The following ADGRL2 variants were observed in gnomAD, a reference collection of about 807,000 sequenced individuals.
ADGRL2 encodes the protein adhesion G protein-coupled receptor L2.
A neutral mutation model predicts 157.4 loss-of-function variants in ADGRL2; 44 were observed. The ratio of observed to expected loss-of-function variants is 0.28; its 90% CI spans 0.22 to 0.36. The LOEUF (loss-of-function observed/expected upper bound fraction) is 0.36. Ranked by LOEUF, ADGRL2 falls within the 10% of genes least tolerant of loss-of-function variation. ADGRL2 has a pLI of 1.00. For missense variants in ADGRL2, 1,510 were observed against 1,768.9 expected (o/e 0.85, Z 2.63); for synonymous variants, 585 against 624.7 (o/e 0.94, Z 0.95).
chr1:81,572,515 T>G (rs546186859), intron 2 of ADGRL2, among the ~76,000 whole-genome samples: 1 of 152,292 alleles, frequency 6.6e-6, no homozygotes, highest in African/African-American at 2.4e-5. Flanking sequence ...CATATCCAAG[T>G]ATATTAACTT....
chr1:81,315,320 G>A (rs1660031082), intron 1 of ADGRL2, among the ~76,000 whole-genome samples: 1 of 151,738 alleles, frequency 6.6e-6, no homozygotes, highest in Admixed American at 6.6e-5. Context: ...GGGGTGACCT[G>A]ATTCTTTGCC....
intron 2 of ADGRL2, among the ~76,000 whole-genome samples, chr1:81,451,429 A>C (rs943035959): frequency 3.3e-5 from 5 of 151,932 alleles, no homozygotes; most frequent in African/African-American, 9.7e-5. Flanking sequence ...CATATGAAGA[A>C]GCAAATGAAA....
chr1:81,942,379 T>C (rs1648363728), intron 5 of ADGRL2, among the ~76,000 whole-genome samples: 1 of 151,912 alleles, frequency 6.6e-6, no homozygotes, highest in African/African-American at 2.4e-5. Context: ...ATGCCATGGT[T>C]ACAGGGTCTC....
At chr1:81,931,391 T>C (rs1022842745) in intron 3 of ADGRL2, among the ~76,000 whole-genome samples, 1 of 152,216 alleles carries the variant, frequency 6.6e-6, no homozygotes, top group Non-Finnish European at 1.5e-5. Flanking sequence ...TTGTACTCTA[T>C]ATACTTTAGA....
chr1:81,732,206 G>A (rs1383397821), intron 1 of ADGRL2, among the ~76,000 whole-genome samples: 1 of 152,154 alleles, frequency 6.6e-6, no homozygotes, highest in Admixed American at 6.5e-5. Flanking sequence ...ATTGTTAAGA[G>A]AGTACAATGT....
Position 81,835,426 on chromosome 1 carries a change from C to T in ADGRL2, c.-100-1459C>T, listed in dbSNP as rs149551150. ...TTTTAAAATGCTTTATGTAGAATAA[C>T]TTTCAGGTTTAAGGCAGGCACATTG... On this transcript the variant is annotated intron_variant, in intron 1 of 23. Coordinates refer to ENST00000686636, the MANE Select transcript of ADGRL2 (RefSeq NM_001366006.2). 6.5e-3 allele frequency among the ~76,000 whole-genome samples: 982 copies of T among 152,206 alleles called. 4 individuals are homozygous for T. Among genetic ancestry groups the T allele is most frequent in the Non-Finnish European group, 9.1e-3 (619 of 67,990 alleles).
chr1:81,525,595 G>A (rs1379871700), intron 2 of ADGRL2, among the ~76,000 whole-genome samples: 1 of 152,178 alleles, frequency 6.6e-6, no homozygotes, highest in Non-Finnish European at 1.5e-5. Context: ...TGGGATTACA[G>A]GCATGAGCCA....
chr1:81,480,951 G>T (rs1041344976), intron 2 of ADGRL2, among the ~76,000 whole-genome samples: 2 of 152,088 alleles, frequency 1.3e-5, no homozygotes, highest in African/African-American at 4.8e-5. Flanking sequence ...TCCTTTAAGG[G>T]TTAGATCATA....
At chr1:81,801,151 T>C (rs1337397931) in intron 1 of ADGRL2, among the ~76,000 whole-genome samples, 83 bp downstream of exon 1, 1 of 152,118 alleles carries the variant, frequency 6.6e-6, no homozygotes, top group Non-Finnish European at 1.5e-5. Flanking sequence ...AAAACGGCCA[T>C]TGGGCGACAA....
intron 19 of ADGRL2, 84 bp from the exon 20 acceptor site, chr1:81,984,499 G>T (rs748331548): frequency 5.4e-6 from 7 of 1,289,760 alleles, no homozygotes; most frequent in South Asian, 4.6e-5. Flanking sequence ...AATTCTTTTC[G>T]GTTGTCTTCA....
chr1:81,331,722 C>G (rs1163545860), intron 1 of ADGRL2, among the ~76,000 whole-genome samples: 1 of 151,982 alleles, frequency 6.6e-6, no homozygotes, highest in Non-Finnish European at 1.5e-5. Context: ...GTTAGCAGTG[C>G]CATTTTACAT....
At chr1:81,321,545 G>T (rs555529447) in intron 1 of ADGRL2, among the ~76,000 whole-genome samples, 1 of 152,198 alleles carries the variant, frequency 6.6e-6, no homozygotes, top group South Asian at 2.1e-4. Context: ...CAATATTGTT[G>T]TGACTTAGAA....
chr1:81,591,779 G>T (rs2081138404), intron 3 of ADGRL2, among the ~76,000 whole-genome samples: 1 of 152,176 alleles, frequency 6.6e-6, no homozygotes, highest in East Asian at 1.9e-4. Flanking sequence ...GCCCCATGTG[G>T]CAAGAACCTG....
At chr1:81,762,496 A>G (rs2085918300) in intron 2 of ADGRL2, among the ~76,000 whole-genome samples, 1 of 152,148 alleles carries the variant, frequency 6.6e-6, no homozygotes, top group Non-Finnish European at 1.5e-5. Flanking sequence ...TAATCTTATT[A>G]TATGGGAAAG....
At chr1:81,928,843 A>G (rs1040153499) in intron 3 of ADGRL2, among the ~76,000 whole-genome samples, 2 of 152,088 alleles carry the variant, frequency 1.3e-5, no homozygotes, top group African/African-American at 4.8e-5. Context: ...CCTTGGAAGC[A>G]TTGATTTCAC....
intron 2 of ADGRL2, chr1:81,501,702 C>G: frequency 6.3e-7 from 1 of 1,595,474 alleles, no homozygotes; most frequent in Non-Finnish European, 8.5e-7. Context: ...GGTTTAGACC[C>G]AGTGTGCCTG....
At chr1:81,740,149 G>C (rs2085027414) in intron 1 of ADGRL2, among the ~76,000 whole-genome samples, 2 of 152,138 alleles carry the variant, frequency 1.3e-5, no homozygotes, top group African/African-American at 2.4e-5. Flanking sequence ...ATTAATACTA[G>C]GGTGAAGTCA....
At chr1:81,542,402 A>G (rs2079906815) in intron 2 of ADGRL2, among the ~76,000 whole-genome samples, 1 of 152,194 alleles carries the variant, frequency 6.6e-6, no homozygotes, top group African/African-American at 2.4e-5. Flanking sequence ...CACTTTGCCT[A>G]CTTAAATGCC....
intron 2 of ADGRL2, among the ~76,000 whole-genome samples, chr1:81,774,787 G>T (rs1557640514): frequency 6.6e-6 from 1 of 151,740 alleles, no homozygotes; most frequent in Non-Finnish European, 1.5e-5. Flanking sequence ...TAATTTTCTT[G>T]TTGAAGTTAT....
Sources: gnomAD v4.1 joint callset for allele counts (sites outside exome capture counted in the v4.1 genomes callset) on GRCh38, gnomAD v4.1.1 for gene constraint, MANE v1.5 for transcripts, NCBI Gene and HGNC (gene_info 2026-07-23, HGNC 2026-07-21) for gene names.